Variants in MAP2 observed in about 807,000 individuals in gnomAD.
MAP2 encodes microtubule-associated protein 2.
MAP2 carries 14 observed loss-of-function variants against 137.6 expected under a neutral mutation model. The ratio of observed to expected loss-of-function variants is 0.10; its 90% confidence interval spans 0.07 to 0.16. MAP2 has a LOEUF of 0.16. MAP2 is among the 10% of genes least tolerant of loss of function. The pLI is 1.00. For missense variants in MAP2, 2,088 were observed against 2,191.5 expected (o/e 0.95, Z 0.94); for synonymous variants, 786 against 782.3 (o/e 1.00, Z -0.08).
At chr2:209,620,868 G>A (rs2090935913) in intron 3 of MAP2, among the ~76,000 whole-genome samples, 1 of 152,130 alleles carries the variant, frequency 6.6e-6, no homozygotes, top group African/African-American at 2.4e-5. Context: ...ATAGCTTAAT[G>A]CTAGTCATTG....
In MAP2 at chr2:209,562,755, C is replaced by G. The variant is rs529788792; in HGVS notation, c.-171-17281C>G. Among the ~76,000 whole-genome samples, 37 of 152,002 alleles carry G rather than the reference C, an allele frequency of 2.4e-4. 2 individuals carry two copies. Among genetic ancestry groups the G allele is most frequent in the African/African-American group, 8.0e-4 (33 of 41,486 alleles). On this transcript the variant is annotated intron_variant, in intron 2 of 15. Transcript: ENST00000682079. ...CAGTGAAGCACCAGAAAAACTGAAA[C>G]CAATGCCTCAAAAGCCCAGCGGTGA...
chr2:209,615,255 A>G (rs1331251213), intron 3 of MAP2, among the ~76,000 whole-genome samples: 1 of 152,170 alleles, frequency 6.6e-6, no homozygotes, highest in Non-Finnish European at 1.5e-5. Flanking sequence ...CTGCAGGTTG[A>G]CAGATGGCTC....
At chr2:209,427,359 T>C (rs1223184248) in intron 1 of MAP2, among the ~76,000 whole-genome samples, 1 of 152,202 alleles carries the variant, frequency 6.6e-6, no homozygotes, top group African/African-American at 2.4e-5. Context: ...TTTTTTTGTC[T>C]CTGTTATAGA....
chr2:209,625,191 C>T (rs1431752789), intron 4 of MAP2, 62 bp downstream of exon 4: 1 of 152,012 alleles, frequency 6.6e-6, no homozygotes, highest in Non-Finnish European at 1.5e-5. Flanking sequence ...CTTTGCTAAC[C>T]TTTTGTTTTT....
intron 11 of MAP2, among the ~76,000 whole-genome samples, chr2:209,702,261 C>A (rs2061977068): frequency 6.6e-6 from 1 of 152,034 alleles, no homozygotes; most frequent in African/African-American, 2.4e-5. Context: ...CACAAAACAA[C>A]CTTTTTTCCT....
chr2:209,507,693 G>T (rs1488338619), intron 2 of MAP2, 52 bp downstream of exon 2: 1 of 152,062 alleles, frequency 6.6e-6, no homozygotes, highest in East Asian at 1.9e-4. Context: ...TAAAATAAAG[G>T]CATCATGGGT....
At chr2:209,581,407 A>G (rs1217490639) in intron 3 of MAP2, among the ~76,000 whole-genome samples, 1 of 152,194 alleles carries the variant, frequency 6.6e-6, no homozygotes, top group Non-Finnish European at 1.5e-5. Flanking sequence ...GATATTGAAC[A>G]AAAGCTAATA....
chr2:209,593,334 T>C (rs1008204012), intron 3 of MAP2, among the ~76,000 whole-genome samples: 1 of 151,726 alleles, frequency 6.6e-6, no homozygotes, highest in Non-Finnish European at 1.5e-5. Flanking sequence ...ATTTTTATTT[T>C]ATTAATTTGT....
chr2:209,447,351 G>A (rs1226386333), intron 1 of MAP2, among the ~76,000 whole-genome samples: 1 of 151,858 alleles, frequency 6.6e-6, no homozygotes, highest in Non-Finnish European at 1.5e-5. Context: ...CTGCCCTTTT[G>A]CTAGCCATAT....
chr2:209,441,399 A>G (rs1027387678), intron 1 of MAP2, among the ~76,000 whole-genome samples: 27 of 151,784 alleles, frequency 1.8e-4, no homozygotes, highest in Admixed American at 6.6e-5. Context: ...TTATATACAG[A>G]TGATCTACCA....
intron 2 of MAP2, chr2:209,579,645 G>A (rs1256823090): frequency 6.6e-6 from 1 of 152,216 alleles, no homozygotes; most frequent in Non-Finnish European, 1.5e-5. Context: ...GACTGCGTCT[G>A]TCTGGAGCTA....
In MAP2 at chr2:209,653,438, T is replaced by A. The variant is rs771972751; in HGVS notation, c.262+6T>A. On this transcript the variant is annotated splice_donor_region_variant and intron_variant, in intron 5 of 15. Transcript: ENST00000682079. ...AGCTGACAGAGAAACAGCAGGTAAC[T>A]AAGGGCTCTACTGTCACCAAGTGCT... 9 of 1,587,066 alleles carry A rather than the reference T, an allele frequency of 5.7e-6. No individual in the cohort carries two copies. Among genetic ancestry groups the A allele is most frequent in the Middle Eastern group, 1.8e-4 (1 of 5,712 alleles).
intron 1 of MAP2, among the ~76,000 whole-genome samples, chr2:209,473,799 T>C (rs939191507): frequency 1.3e-5 from 2 of 152,152 alleles, no homozygotes; most frequent in Non-Finnish European, 2.9e-5. Context: ...AGAACTAAAA[T>C]TATTTATCAC....
rs749092029 is a variant in MAP2, at chr2:209,693,181, A to G, written c.1011A>G (p.Thr337=). The G allele has an allele frequency of 1.7e-5, 27 of 1,611,164 alleles. No homozygotes were observed. Among genetic ancestry groups the G allele is most frequent in the Non-Finnish European group, 2.3e-5 (27 of 1,179,262 alleles). Residue 337 remains threonine, a synonymous_variant, in exon 8 of 16, where the codon ACA becomes ACG. Coordinates refer to ENST00000682079, the MANE Select transcript of MAP2 (RefSeq NM_001375505.1). ...TGAAGAATGAAATAGTTACAGAAACATCGCCCTTTGCCCCTGCCTTTTTAC... is the reference window on the plus strand; with the variant it reads ...TGAAGAATGAAATAGTTACAGAAACGTCGCCCTTTGCCCCTGCCTTTTTAC... ...DVMKNEIVTE[T]SPFAPAFLQP... is the part of the protein sequence containing the mutation.
intron 4 of MAP2, among the ~76,000 whole-genome samples, chr2:209,644,163 T>G (rs2153584219): frequency 6.6e-6 from 1 of 152,324 alleles, no homozygotes; most frequent in African/African-American, 2.4e-5. Context: ...CACACTGGAA[T>G]GGATGATCAC....
At chr2:209,489,783 T>C (rs527301023) in intron 1 of MAP2, among the ~76,000 whole-genome samples, 1 of 152,188 alleles carries the variant, frequency 6.6e-6, no homozygotes, top group African/African-American at 2.4e-5. Flanking sequence ...CCAAGAAATA[T>C]GGGACCATGT....
intron 1 of MAP2, among the ~76,000 whole-genome samples, chr2:209,500,664 C>T (rs2060263858): frequency 6.6e-6 from 1 of 151,844 alleles, no homozygotes; most frequent in Non-Finnish European, 1.5e-5. Context: ...TAGATTCTAA[C>T]TAAGTGAACT....
chr2:209,700,274 C>A lies in MAP2; in HGVS notation c.4523-3C>A. 1 of 1,612,590 alleles carries A rather than the reference C, an allele frequency of 6.2e-7. No homozygotes were observed. Among genetic ancestry groups the A allele is most frequent in the Non-Finnish European group, 8.5e-7 (1 of 1,179,010 alleles). ...GGGGTTGTTTGTCTTTTATTTTCAA[C>A]AGCAGCAGGTGGGGAATCAGCTCTG... On this transcript the variant is annotated splice_polypyrimidine_tract_variant and splice_region_variant and intron_variant, in intron 10 of 15. Coordinates refer to ENST00000682079, the MANE Select transcript of MAP2 (RefSeq NM_001375505.1).
At chr2:209,436,528 G>T (rs935370114) in intron 1 of MAP2, among the ~76,000 whole-genome samples, 2 of 151,692 alleles carry the variant, frequency 1.3e-5, no homozygotes, top group Admixed American at 1.3e-4. Flanking sequence ...GGCATATGTT[G>T]TCATGGTTGA....
Sources: gnomAD v4.1 joint callset for allele counts (sites outside exome capture counted in the v4.1 genomes callset) on GRCh38, gnomAD v4.1.1 for gene constraint, MANE v1.5 for transcripts, NCBI Gene and HGNC (gene_info 2026-07-23, HGNC 2026-07-21) for gene names.